The following ARHGAP42 variants were observed in gnomAD, a reference collection of about 807,000 sequenced individuals.
ARHGAP42 encodes the protein Rho GTPase activating protein 42.
In ARHGAP42, 63 loss-of-function variants were observed where a neutral mutation model predicts 125.0. The observed-to-expected ratio is 0.50, with a 90% confidence interval of 0.41 to 0.62. The LOEUF (loss-of-function observed/expected upper bound fraction) is 0.62, where lower values mean the gene tolerates loss of function less well. Ranked by LOEUF, ARHGAP42 falls within the 20% of genes least tolerant of loss-of-function variation. ARHGAP42 has a pLI of 0.00. For synonymous variants in ARHGAP42, 339 were observed against 351.0 expected, an observed-to-expected ratio of 0.97 and a Z score of 0.38; for missense variants, 766 against 1,024.2, an observed-to-expected ratio of 0.75 and a Z score of 3.44.
chr11:100,850,322 T>G (rs2135126384), intron 3 of ARHGAP42, among the ~76,000 whole-genome samples: 1 of 152,330 alleles, frequency 6.6e-6, no homozygotes, highest in Middle Eastern at 3.4e-3. Context: ...CTATACAGGA[T>G]ATCACTGTAC....
chr11:100,716,140 T>C (rs1861656706), intron 1 of ARHGAP42, among the ~76,000 whole-genome samples: 1 of 152,226 alleles, frequency 6.6e-6, no homozygotes, highest in Admixed American at 6.6e-5. Flanking sequence ...TTTTGAAAGT[T>C]AGCCTAAACT....
At chr11:100,875,103 CTCTCTGTGTGTGTGTGTGTGTG>C (rs1308572792) in intron 4 of ARHGAP42, among the ~76,000 whole-genome samples, 1 of 52,964 alleles carries the variant, frequency 1.9e-5, no homozygotes, top group African/African-American at 5.3e-5. Context: ...CTCTCTCTCT[CTCTCTGTGTGTGTGTGTGTGTG>C]TGTGTGTGTG....
chr11:100,973,838 T>C (rs1352140669), intron 18 of ARHGAP42, among the ~76,000 whole-genome samples: 1 of 152,196 alleles, frequency 6.6e-6, no homozygotes, highest in African/African-American at 2.4e-5. Flanking sequence ...AATTGAACCA[T>C]TTAAGGTCTA....
chr11:100,878,761 G>C (rs1201575980), intron 4 of ARHGAP42, among the ~76,000 whole-genome samples: 1 of 152,034 alleles, frequency 6.6e-6, no homozygotes, highest in Non-Finnish European at 1.5e-5. Context: ...ATTTTATCTT[G>C]CACATGTTCT....
At chr11:100,698,850 A>T (rs1861339642) in intron 1 of ARHGAP42, among the ~76,000 whole-genome samples, 1 of 152,188 alleles carries the variant, frequency 6.6e-6, no homozygotes, top group Non-Finnish European at 1.5e-5. Context: ...GTGTACCATG[A>T]AATAATGATG....
rs868301219 is a variant in ARHGAP42, at chr11:100,983,972, T to C, written c.2457-3541T>C. ...GTCTGCAAAAAATATAAAACATTAA[T>C]TGGCACGGTGGTGTGCACCTAATAG... On this transcript the variant is annotated intron_variant, in intron 22 of 23. Coordinates refer to ENST00000298815, the MANE Select transcript of ARHGAP42 (RefSeq NM_152432.4). Among the ~76,000 whole-genome samples, 12 of 152,164 alleles carry C rather than the reference T, an allele frequency of 7.9e-5. No individual in the cohort carries two copies. The Middle Eastern group carries it at 0.014, about 173-fold the overall frequency.
At chr11:100,889,091 G>A (rs755545112) in intron 4 of ARHGAP42, among the ~76,000 whole-genome samples, 7 of 152,272 alleles carry the variant, frequency 4.6e-5, no homozygotes, top group Non-Finnish European at 1.0e-4. Flanking sequence ...GTTTTAAGTA[G>A]CACACTCAGC....
At position 100,949,923 on chromosome 11, in the gene ARHGAP42, A is replaced by G; in HGVS notation, c.1129A>G (p.Thr377Ala). The change falls in exon 12 of 24, where the codon ACT (threonine) becomes GCT (alanine). Residue 377 changes from threonine (T) to alanine (A), a missense_variant. Thr to Ala is a moderately conservative substitution (Grantham distance 58). Around this residue, in one of 3 missense-constraint regions of ARHGAP42, gnomAD observed 455 missense variants for 636.5 expected, o/e 0.71. Coordinates refer to ENST00000298815, the MANE Select transcript of ARHGAP42 (RefSeq NM_152432.4). Reference sequence around the variant, plus strand: ...GACATCCTTTGTTTTTTAGATTTATACTCTGCCTGCCATTATAAGCAAGAA... The same window carrying G: ...GACATCCTTTGTTTTTTAGATTTATGCTCTGCCTGCCATTATAAGCAAGAA... ...EAMDGKEPIY[T>A]LPAIISKKEE... The G allele has an allele frequency of 6.8e-7, 1 of 1,476,296 alleles. No individual in the cohort carries two copies. The highest frequency in any genetic ancestry group is 9.2e-7 in the Non-Finnish European group (1 of 1,088,704). The allele number at this position is 1,476,296 out of a possible 1,614,324, so 91.4% of individuals were successfully genotyped here.
chr11:100,787,060 G>A (rs1048705503), intron 2 of ARHGAP42, among the ~76,000 whole-genome samples: 1 of 151,916 alleles, frequency 6.6e-6, no homozygotes, highest in Non-Finnish European at 1.5e-5. Flanking sequence ...GGTGGATCAC[G>A]AGGTCAGGAG....
At chr11:100,856,842 C>A (rs1354257029) in intron 3 of ARHGAP42, among the ~76,000 whole-genome samples, 1 of 151,918 alleles carries the variant, frequency 6.6e-6, no homozygotes, top group Non-Finnish European at 1.5e-5. Context: ...CAAATCTATG[C>A]TAGTGATTTT....
intron 12 of ARHGAP42, among the ~76,000 whole-genome samples, chr11:100,958,033 C>A (rs1326531333): frequency 6.6e-6 from 1 of 151,846 alleles, no homozygotes; most frequent in Non-Finnish European, 1.5e-5. Flanking sequence ...ACCTCTAGTA[C>A]CAAACATTTT....
chr11:100,871,836 C>T (rs1400735855), intron 4 of ARHGAP42, among the ~76,000 whole-genome samples: 1 of 152,236 alleles, frequency 6.6e-6, no homozygotes, highest in South Asian at 2.1e-4. Flanking sequence ...CTCTGCCTAC[C>T]AGGTTCAAGC....
intron 4 of ARHGAP42, among the ~76,000 whole-genome samples, chr11:100,894,756 A>G (rs1377997057): frequency 1.3e-5 from 2 of 152,186 alleles, no homozygotes; most frequent in African/African-American, 4.8e-5. Flanking sequence ...TGATAATGGA[A>G]TTTTACTGTT....
At chr11:100,847,029 C>T (rs1296902697) in intron 3 of ARHGAP42, among the ~76,000 whole-genome samples, 1 of 152,172 alleles carries the variant, frequency 6.6e-6, no homozygotes, top group Non-Finnish European at 1.5e-5. Flanking sequence ...GGGAAACTTA[C>T]ATACGGAGTG....
At position 100,961,692 on chromosome 11, in the gene ARHGAP42, TC is replaced by T; in HGVS notation, c.1313del (p.Pro438LeufsTer16). On this transcript the variant is annotated frameshift_variant, in exon 15 of 24. Transcript: ENST00000298815. LOFTEE classifies it high-confidence loss of function. ...TGTTTTATTCTTTCCAGCTCCTAAATCCCCTCCTGATATTGATATTGATATT... is the reference window on the plus strand; with the variant it reads ...TGTTTTATTCTTTCCAGCTCCTAAATCCCTCCTGATATTGATATTGATATT... Reference protein sequence around the residue: ...KLMNTTFSPKSPPDIDIDIEL... With the variant: ...KLMNTTFSPKXPPDIDIDIEL... 1 of 1,551,374 alleles carries T rather than the reference TC, an allele frequency of 6.4e-7. No homozygotes were observed. The highest frequency in any genetic ancestry group is 1.2e-5 in the South Asian group (1 of 83,998).
At chr11:100,773,087 TC>T (rs1414980562) in intron 2 of ARHGAP42, among the ~76,000 whole-genome samples, 1 of 152,230 alleles carries the variant, frequency 6.6e-6, no homozygotes, top group Non-Finnish European at 1.5e-5. Flanking sequence ...TCCACCTGCC[TC>T]AGCCTCCCAA....
intron 4 of ARHGAP42, among the ~76,000 whole-genome samples, chr11:100,887,733 C>T (rs1016677711): frequency 1.7e-4 from 26 of 152,344 alleles, no homozygotes; most frequent in African/African-American, 6.0e-4. Context: ...GTCAGCTCCT[C>T]CTGGGCTCCT....
At chr11:100,801,258 A>G (rs1591191883) in intron 3 of ARHGAP42, among the ~76,000 whole-genome samples, 2 of 152,306 alleles carry the variant, frequency 1.3e-5, no homozygotes, top group East Asian at 3.9e-4. Flanking sequence ...GGGGAGAAGA[A>G]TATTTTTAGT....
chr11:100,901,699 T>C (rs1866555020), intron 4 of ARHGAP42, among the ~76,000 whole-genome samples: 2 of 152,234 alleles, frequency 1.3e-5, no homozygotes, highest in Admixed American at 1.3e-4. Flanking sequence ...CAAGGCTCCG[T>C]GGGCATGGGA....
Sources: allele counts gnomAD v4.1 joint callset (sites outside exome capture counted in the v4.1 genomes callset), GRCh38; gene constraint gnomAD v4.1.1; regional missense constraint gnomAD v4.1.1; transcripts MANE v1.5; gene names NCBI Gene and HGNC (gene_info 2026-07-23, HGNC 2026-07-21).